MAP3K5: variants seen among roughly 807,000 people sequenced by gnomAD.
MAP3K5 encodes ASK-1.
MAP3K5 carries 56 observed loss-of-function variants against 158.7 expected under a neutral mutation model. The ratio of observed to expected loss-of-function variants is 0.35; its 90% CI spans 0.28 to 0.44. The LOEUF (loss-of-function observed/expected upper bound fraction) is 0.44, where lower values mean the gene tolerates loss of function less well. MAP3K5 is among the 20% of genes least tolerant of loss of function. The pLI is 1.00. For missense variants in MAP3K5, 1,294 were observed against 1,674.8 expected (o/e 0.77, Z 3.97); for synonymous variants, 579 against 601.7 (o/e 0.96, Z 0.55).
intron 1 of MAP3K5, among the ~76,000 whole-genome samples, chr6:136,761,467 AG>A (rs1321740285): frequency 6.6e-6 from 1 of 152,114 alleles, no homozygotes; most frequent in Non-Finnish European, 1.5e-5. Flanking sequence ...CCTGGGAAGA[AG>A]CCAGGAGCCT....
Position 136,791,728 on chromosome 6 carries a change from C to A in MAP3K5, c.430G>T (p.Asp144Tyr). ...CACGCACCTGCATTGTAAAAGCGGTCCAGCACGGTGGTTTCTCCAAAGTCG... is the reference window on the plus strand; with the variant it reads ...CACGCACCTGCATTGTAAAAGCGGTACAGCACGGTGGTTTCTCCAAAGTCG... ...KLDFGETTVL[D>Y]RFYNADIAVV... is the part of the protein sequence containing the mutation. The change falls in exon 1 of 30, where the codon GAC becomes TAC. Residue 144 changes from aspartate to tyrosine, a missense_variant. Coordinates refer to ENST00000359015, the MANE Select transcript of MAP3K5 (RefSeq NM_005923.4). The A allele has an allele frequency of 6.2e-7, 1 of 1,613,286 alleles. No homozygotes were observed. Among genetic ancestry groups the A allele is most frequent in the South Asian group, 1.1e-5 (1 of 91,080 alleles).
intron 21 of MAP3K5, among the ~76,000 whole-genome samples, chr6:136,593,975 C>G (rs540972241): frequency 5.3e-5 from 8 of 152,118 alleles, no homozygotes; most frequent in African/African-American, 1.7e-4. Flanking sequence ...CTTTCAGGAA[C>G]AGCTGACCTC....
intron 14 of MAP3K5, among the ~76,000 whole-genome samples, chr6:136,633,938 A>G (rs951568723): frequency 6.6e-6 from 1 of 152,228 alleles, no homozygotes; most frequent in Non-Finnish European, 1.5e-5. Flanking sequence ...TCTACCTTCA[A>G]TTGAGGTAAA....
Position 136,642,576 on chromosome 6 carries a change from C to T in MAP3K5, c.1789-7G>A. On this transcript the variant is annotated splice_region_variant and splice_polypyrimidine_tract_variant and intron_variant, in intron 11 of 29. Coordinates refer to ENST00000359015, the MANE Select transcript of MAP3K5 (RefSeq NM_005923.4). ...TCCACTCATGTATACCTTTCTAGAA[C>T]AACAACAAGAAAATATACTGAGTCA... 2.5e-6 allele frequency: 4 copies of T among 1,590,166 alleles called. No homozygotes were observed. The highest frequency in any genetic ancestry group is 3.4e-6 in the Non-Finnish European group (4 of 1,160,138).
chr6:136,763,343 A>T (rs1006441254), intron 1 of MAP3K5, among the ~76,000 whole-genome samples: 2 of 152,208 alleles, frequency 1.3e-5, no homozygotes, highest in Non-Finnish European at 2.9e-5. Flanking sequence ...TACTTCAAAC[A>T]TCAGCAGGGT....
chr6:136,591,955 T>C (rs1316392406), intron 23 of MAP3K5, among the ~76,000 whole-genome samples: 1 of 152,240 alleles, frequency 6.6e-6, no homozygotes, highest in South Asian at 2.1e-4. Context: ...AAAAATAGCT[T>C]ATGTTCAAAA....
chr6:136,558,935 A>C, intron 28 of MAP3K5, 59 bp from the exon 29 acceptor site: 1 of 845,862 alleles, frequency 1.2e-6, no homozygotes, highest in Non-Finnish European at 2.0e-6. Flanking sequence ...TAAAGCACAA[A>C]CTCTATTCAT....
intron 6 of MAP3K5, 87 bp from the exon 7 acceptor site, chr6:136,694,397 A>AT (rs1441670647): frequency 3.7e-6 from 4 of 1,089,290 alleles, no homozygotes; most frequent in Non-Finnish European, 5.2e-6. Context: ...TAACATGTTG[A>AT]TTCATATTAG....
intron 10 of MAP3K5, among the ~76,000 whole-genome samples, chr6:136,654,962 C>T (rs970214525): frequency 6.6e-6 from 1 of 152,026 alleles, no homozygotes; most frequent in Non-Finnish European, 1.5e-5. Context: ...CCTTTTCTTG[C>T]TTAAGGATGC....
At chr6:136,620,981 T>A (rs1236045903) in intron 15 of MAP3K5, among the ~76,000 whole-genome samples, 1 of 152,228 alleles carries the variant, frequency 6.6e-6, no homozygotes, top group Non-Finnish European at 1.5e-5. Context: ...CCTCACTATG[T>A]GAGATTCAAC....
At chr6:136,588,328 C>A (rs928729064) in intron 23 of MAP3K5, among the ~76,000 whole-genome samples, 1 of 152,074 alleles carries the variant, frequency 6.6e-6, no homozygotes, top group Non-Finnish European at 1.5e-5. Flanking sequence ...TGCATGACTT[C>A]GGCAAACTAC....
chr6:136,605,788 T>C (rs977965035), intron 18 of MAP3K5, among the ~76,000 whole-genome samples: 14 of 152,244 alleles, frequency 9.2e-5, no homozygotes, highest in African/African-American at 2.9e-4. Flanking sequence ...AGTTCATTCA[T>C]CCATTTCCTT....
intron 8 of MAP3K5, among the ~76,000 whole-genome samples, chr6:136,666,648 G>T (rs1162565778): frequency 6.6e-6 from 1 of 151,926 alleles, no homozygotes. Flanking sequence ...TAACCAACTT[G>T]TCTTTCCTCG....
chr6:136,636,882 C>T (rs1273697758), intron 14 of MAP3K5: 2 of 990,552 alleles, frequency 2.0e-6, no homozygotes, highest in African/African-American at 1.7e-5. Context: ...CATTTGAAGT[C>T]ATTGTTATTC....
chr6:136,610,139 CTTTT>C (rs571818668), intron 18 of MAP3K5, among the ~76,000 whole-genome samples: 562 of 148,954 alleles, frequency 3.8e-3, no homozygotes, highest in Non-Finnish European at 5.8e-3. Flanking sequence ...TCCCCTTACC[CTTTT>C]TTTTTTCCTG....
At chr6:136,562,657 G>T in intron 26 of MAP3K5, 42 bp from the exon 27 acceptor site, 1 of 1,022,154 alleles carries the variant, frequency 9.8e-7, no homozygotes, top group Non-Finnish European at 1.5e-6. Flanking sequence ...GGTGACACAG[G>T]GTGACCTTCT....
intron 9 of MAP3K5, among the ~76,000 whole-genome samples, 181 bp from the exon 10 acceptor site, chr6:136,656,641 T>C (rs1778762508): frequency 6.6e-6 from 1 of 152,094 alleles, no homozygotes; most frequent in South Asian, 2.1e-4. Flanking sequence ...TTTTTTAATG[T>C]TGAAACAGAG....
intron 19 of MAP3K5, among the ~76,000 whole-genome samples, chr6:136,603,458 G>A (rs1775970479): frequency 6.6e-6 from 1 of 151,756 alleles, no homozygotes; most frequent in African/African-American, 2.4e-5. Context: ...GATTATAGGT[G>A]TGAGCCACCA....
chr6:136,679,690 T>C (rs1779851277), intron 7 of MAP3K5, among the ~76,000 whole-genome samples: 1 of 152,104 alleles, frequency 6.6e-6, no homozygotes, highest in African/African-American at 2.4e-5. Flanking sequence ...CATATTTTTT[T>C]TCCAAAAAAA....
Sources: allele counts gnomAD v4.1 joint callset (sites outside exome capture counted in the v4.1 genomes callset), GRCh38; gene constraint gnomAD v4.1.1; transcripts MANE v1.5; gene names NCBI Gene and HGNC (gene_info 2026-07-23, HGNC 2026-07-21).